SHC2: variants seen among roughly 807,000 people sequenced by gnomAD.
SHC2 encodes SHC-transforming protein 2.
SHC2 carries 62 observed loss-of-function variants against 60.6 expected under a neutral mutation model. The observed-to-expected ratio is 1.02, with a 90% CI of 0.83 to 1.26. The LOEUF is 1.26. SHC2 is among the 50% of genes most tolerant of loss of function. SHC2 has a pLI of 0.00. For missense variants in SHC2, 873 were observed against 822.2 expected (o/e 1.06, Z -0.76); for synonymous variants, 375 against 372.4 (o/e 1.01, Z -0.08).
intron 1 of SHC2, among the ~76,000 whole-genome samples, chr19:456,650 C>T (rs1445676686): frequency 6.8e-6 from 1 of 147,590 alleles, no homozygotes; most frequent in African/African-American, 2.6e-5. Flanking sequence ...CTCTCCTTGC[C>T]GTGACGCACA....
At chr19:418,820 C>G (rs1974208539) in intron 12 of SHC2, 103 bp downstream of exon 12, 2 of 1,363,778 alleles carry the variant, frequency 1.5e-6, no homozygotes, top group African/African-American at 1.4e-5. Context: ...GTCGTGCCCT[C>G]TAGAGGGAAA....
chr19:421,462 A>AGAAG (rs1555703215), intron 11 of SHC2, among the ~76,000 whole-genome samples: 2 of 66,342 alleles, frequency 3.0e-5, no homozygotes, highest in Non-Finnish European at 6.3e-5. Context: ...AGGGAGGGAG[A>AGAAG]GAGGGAGGAA....
intron 1 of SHC2, among the ~76,000 whole-genome samples, chr19:459,879 G>A (rs1975496710): frequency 6.6e-6 from 1 of 152,174 alleles, no homozygotes; most frequent in East Asian, 1.9e-4. Flanking sequence ...CACCCCTGCA[G>A]GTGACTTCAC....
In SHC2 at chr19:425,343, C is replaced by G. The variant is rs116858377; in HGVS notation, c.1175-112G>C. The G allele has an allele frequency of 1.5e-5, 14 of 924,712 alleles. No individual in the cohort carries two copies. The highest frequency in any genetic ancestry group is 1.8e-5 in the Non-Finnish European group (13 of 703,950). 57.3% of individuals were successfully genotyped at this position (924,712 alleles called of 1,614,324 possible). On this transcript the variant is annotated intron_variant, in intron 9 of 12. Transcript: ENST00000264554. The surrounding 1 kb of genome is among the most constrained non-coding windows in gnomAD (Gnocchi z 4.1). The stretch of plus-strand genomic sequence containing the variant: ...CCCCGGCCACCACCTGTGCTGCTGG[C>G]TGCAGGGCGGATGCTGCTCTGGTCT...
chr19:455,520 T>C (rs945601192), intron 1 of SHC2, among the ~76,000 whole-genome samples: 2 of 152,210 alleles, frequency 1.3e-5, no homozygotes, highest in Non-Finnish European at 2.9e-5. Flanking sequence ...CGCCGCTGAT[T>C]ATCCGGCGTC....
At chr19:427,652 A>G (rs1403414061) in intron 9 of SHC2, among the ~76,000 whole-genome samples, 53 of 71,058 alleles carry the variant, frequency 7.5e-4, no homozygotes, top group African/African-American at 2.3e-3. Context: ...GACGGCGCAC[A>G]GCACACGGAA....
Position 460,489 on chromosome 19 carries a change from C to T in SHC2, c.468+40G>A, listed in dbSNP as rs1189549694. On this transcript the variant is annotated intron_variant, in intron 1 of 12. Transcript: ENST00000264554. ...GAGGAGAGGGTGGGGGAGGGGAGGC[C>T]GCCGCGAACGGGCTCCCGGGGGGGG... 4 of 1,015,584 alleles carry T rather than the reference C, an allele frequency of 3.9e-6. No individual in the cohort carries two copies. In the African/African-American group the frequency reaches 7.6e-5, roughly 19 times the overall value. The allele number at this position is 1,015,584 out of a possible 1,614,324, so 62.9% of individuals were successfully genotyped here. A position where few individuals can be genotyped will look rare whatever the true frequency, so the allele number is the denominator to read the frequency against.
At chr19:426,879 C>T (rs1974429528) in intron 9 of SHC2, among the ~76,000 whole-genome samples, 1 of 152,050 alleles carries the variant, frequency 6.6e-6, no homozygotes, top group Non-Finnish European at 1.5e-5. Flanking sequence ...GGGAGGACGA[C>T]AGTGCGAGAC....
rs1975255094 is a variant in SHC2, at chr19:453,617, C to T, written c.468+6912G>A. ...GCTGTCGAGCCATGGGATTCATCCA[C>T]CGTGTCAACTGGCCACACCTGACCC... is the stretch of plus-strand genomic sequence containing the variant. On this transcript the variant is annotated intron_variant, in intron 1 of 12. Coordinates refer to ENST00000264554, the MANE Select transcript of SHC2 (RefSeq NM_012435.3). This position sits in a 1 kb window ranked among gnomAD's most constrained non-coding sequence, Gnocchi z 6.3. Among the ~76,000 whole-genome samples the T allele has an allele frequency of 6.6e-6, 1 of 152,168 alleles. No homozygotes were observed.
intron 1 of SHC2, among the ~76,000 whole-genome samples, chr19:450,019 G>A (rs962712577): frequency 1.3e-5 from 2 of 152,228 alleles, no homozygotes; most frequent in Non-Finnish European, 2.9e-5. Flanking sequence ...CTCCACCCCT[G>A]GCCAGGAGGA....
intron 1 of SHC2, among the ~76,000 whole-genome samples, chr19:451,928 G>A (rs531770022): frequency 2.0e-5 from 3 of 152,288 alleles, no homozygotes; most frequent in African/African-American, 7.2e-5. Context: ...GACTAAAATA[G>A]TTGTTCACTA....
chr19:424,952 C>A lies in SHC2; in HGVS notation c.1309+145G>T. ...ACAGACTGGGCTTCCCCGTCCCACC[C>A]GTCGACTTGAAGGATCTCACGGGGA... is the stretch of plus-strand genomic sequence containing the variant. On this transcript the variant is annotated intron_variant, in intron 10 of 12. Transcript: ENST00000264554. This position sits in a 1 kb window ranked among gnomAD's most constrained non-coding sequence, Gnocchi z 4.5. 1 of 896,260 alleles carries A rather than the reference C, an allele frequency of 1.1e-6. No individual in the cohort carries two copies. Among genetic ancestry groups the A allele is most frequent in the Non-Finnish European group, 1.5e-6 (1 of 646,502 alleles). 55.5% of individuals were successfully genotyped at this position (896,260 alleles called of 1,614,324 possible).
rs1178772585 is a variant in SHC2 at position 438,848 on chromosome 19, GGC to G, written c.601-13_601-12del. On this transcript the variant is annotated splice_polypyrimidine_tract_variant and intron_variant, in intron 3 of 12. Transcript: ENST00000264554. This position sits in a 1 kb window ranked among gnomAD's most constrained non-coding sequence, Gnocchi z 5.0. ...GGCCTTGTTGGGGGCCTGAGTTGGG[GGC>G]GGAGCACAGCGAGGGCGGCTGTGGG... 1 of 1,562,708 alleles carries G rather than the reference GGC, an allele frequency of 6.4e-7. No homozygotes were observed. Among genetic ancestry groups the G allele is most frequent in the South Asian group, 1.2e-5 (1 of 84,834 alleles).
At chr19:429,835 A>G (rs962509412) in intron 9 of SHC2, among the ~76,000 whole-genome samples, 1 of 150,160 alleles carries the variant, frequency 6.7e-6, no homozygotes, top group Non-Finnish European at 1.5e-5. Context: ...CACAGTACCT[A>G]TACCCAACAC....
At position 425,425 on chromosome 19, in the gene SHC2, GCC is replaced by G. The variant is rs1204271158; in HGVS notation, c.1175-196_1175-195del. Among the ~76,000 whole-genome samples the G allele has an allele frequency of 2.0e-5, 3 of 152,340 alleles. No individual in the cohort carries two copies. The East Asian group carries it at 5.8e-4, about 29-fold the overall frequency. ...ACAGGGAGCATCTTACAGCAGCAAA[GCC>G]CCGTCGGGGCTCCAACCAGGGACAA... On this transcript the variant is annotated intron_variant, in intron 9 of 12. Transcript: ENST00000264554. The surrounding 1 kb of genome is among the most constrained non-coding windows in gnomAD (Gnocchi z 4.1).
chr19:426,042 A>C (rs1453451380), intron 9 of SHC2, among the ~76,000 whole-genome samples: 1 of 152,066 alleles, frequency 6.6e-6, no homozygotes, highest in Non-Finnish European at 1.5e-5. Flanking sequence ...AAAAAAAAAA[A>C]AAAAACTATC....
rs1600273356 is a variant in SHC2, at chr19:422,763, G to A, written c.1310-307C>T. 3.4e-6 allele frequency: 1 copy of A among 290,814 alleles called. No individual in the cohort carries two copies. The highest frequency in any genetic ancestry group is 6.4e-6 in the Non-Finnish European group (1 of 156,736). The allele number at this position is 290,814 out of a possible 1,614,324, so 18.0% of individuals were successfully genotyped here. A position where few individuals can be genotyped will look rare whatever the true frequency, so the allele number is the denominator to read the frequency against. On this transcript the variant is annotated intron_variant, in intron 10 of 12. Transcript: ENST00000264554. This position sits in a 1 kb window ranked among gnomAD's most constrained non-coding sequence, Gnocchi z 5.0. ...ATTTCTTTTTCCTGCCTTGTCAGGT[G>A]GGCTTCCTTCCCAAAGCGTACGCCT...
Position 460,732 on chromosome 19 carries a change from C to T in SHC2, c.265G>A (p.Ala89Thr), listed in dbSNP as rs1168551321. 5 of 982,272 alleles carry T rather than the reference C, an allele frequency of 5.1e-6. No individual in the cohort carries two copies. The highest frequency in any genetic ancestry group is 6.0e-6 in the Non-Finnish European group (5 of 829,644). The allele number at this position is 982,272 out of a possible 1,614,324, so 60.8% of individuals were successfully genotyped here. A position where few individuals can be genotyped will look rare whatever the true frequency, so the allele number is the denominator to read the frequency against. The change falls in exon 1 of 13, where the codon GCG (alanine) becomes ACG (threonine). Residue 89 changes from alanine to threonine, a missense_variant. Coordinates refer to ENST00000264554, the MANE Select transcript of SHC2 (RefSeq NM_012435.3). The stretch of plus-strand genomic sequence containing the variant: ...CTGAGCGCGGGCAGGGGACAGGGCG[C>T]GGCGCAGCGGGGCTCGCAGGCGCCC... Reference protein sequence around the residue: ...VLGACEPRCAAPCPLPALSRC... With the variant: ...VLGACEPRCATPCPLPALSRC...
Position 422,795 on chromosome 19 carries a change from TC to T in SHC2, c.1310-340del, listed in dbSNP as rs1173811297. Reference sequence around the variant, plus strand: ...CTTCCCAAAGCGTACGCCTCTCGTTTCCTTGTCTGGTCTTACTGCATTGGCC... The same window carrying T: ...CTTCCCAAAGCGTACGCCTCTCGTTTCTTGTCTGGTCTTACTGCATTGGCC... On this transcript the variant is annotated intron_variant, in intron 10 of 12. Coordinates refer to ENST00000264554, the MANE Select transcript of SHC2 (RefSeq NM_012435.3). The surrounding 1 kb of genome is among the most constrained non-coding windows in gnomAD (Gnocchi z 5.0). 2 of 228,314 alleles carry T rather than the reference TC, an allele frequency of 8.8e-6. No homozygotes were observed. The highest frequency in any genetic ancestry group is 4.5e-5 in the African/African-American group (2 of 44,008). 14.1% of individuals were successfully genotyped at this position (228,314 alleles called of 1,614,324 possible).
Sources: allele counts gnomAD v4.1 joint callset (sites outside exome capture counted in the v4.1 genomes callset), GRCh38; gene constraint gnomAD v4.1.1; non-coding constraint Gnocchi (gnomAD v3.1); transcripts MANE v1.5; gene names NCBI Gene and HGNC (gene_info 2026-07-23, HGNC 2026-07-21).